RBMS2: variants seen among roughly 807,000 people sequenced by gnomAD.
The protein encoded by RBMS2 is RNA binding motif single stranded interacting protein 2.
In RBMS2, 38 loss-of-function variants were observed where a neutral mutation model predicts 58.4. The ratio of observed to expected loss-of-function variants is 0.65; its 90% CI spans 0.50 to 0.85. The LOEUF is 0.85. Among genes scored for constraint, RBMS2 ranks in the 40% least tolerant of loss-of-function variants. The pLI is 0.00. For synonymous variants in RBMS2, 151 were observed against 180.7 expected (o/e 0.84, Z 1.32); for missense variants, 367 against 503.7 (o/e 0.73, Z 2.60).
At chr12:56,551,091 G>A (rs1592386519) in intron 1 of RBMS2, among the ~76,000 whole-genome samples, 1 of 149,760 alleles carries the variant, frequency 6.7e-6, no homozygotes, top group East Asian at 2.0e-4. Flanking sequence ...CTGCACTCCA[G>A]CCTGGGTGAC....
chr12:56,564,766 G>A lies in RBMS2; in HGVS notation c.233+2183G>A, dbSNP rs531579567. On this transcript the variant is annotated intron_variant, in intron 2 of 13. Coordinates refer to ENST00000262031, the MANE Select transcript of RBMS2 (RefSeq NM_002898.4). ...AGATGGGTGGATCACCTGAGGTCAG[G>A]AGTTGGAGACCAGCCTGGCCAACAT... is the stretch of plus-strand genomic sequence containing the variant. Among the ~76,000 whole-genome samples, 7 of 152,320 alleles carry A rather than the reference G, an allele frequency of 4.6e-5. 1 individual carries two copies. The South Asian group carries it at 1.5e-3, about 32-fold the overall frequency.
At chr12:56,570,166 A>G in intron 4 of RBMS2, 176 bp downstream of exon 4, 1 of 584,040 alleles carries the variant, frequency 1.7e-6, no homozygotes, top group East Asian at 3.0e-5. Context: ...ATGTATTCAA[A>G]GTCTATGGCA....
At position 56,593,762 on chromosome 12, in the gene RBMS2, G is replaced by A. The variant is rs1885485055; in HGVS notation, c.*4629G>A. On this transcript the variant is annotated 3_prime_UTR_variant, in exon 14 of 14. Coordinates refer to ENST00000262031, the MANE Select transcript of RBMS2 (RefSeq NM_002898.4). ...GGGTTTTGCCACATTGCCCAGGCTG[G>A]TGTTGAACTCCTGGGCTCAAATGAT... The A allele has an allele frequency of 6.6e-6, 1 of 152,138 alleles. No homozygotes were observed. The highest frequency in any genetic ancestry group is 1.5e-5 in the Non-Finnish European group (1 of 68,174). The allele number at this position is 152,138 out of a possible 1,614,324, so 9.4% of individuals were successfully genotyped here.
Position 56,589,604 on chromosome 12 carries a change from C to A in RBMS2, c.*471C>A. On this transcript the variant is annotated 3_prime_UTR_variant, in exon 14 of 14. Coordinates refer to ENST00000262031, the MANE Select transcript of RBMS2 (RefSeq NM_002898.4). ...GTGCTGGAACATCGATGAAGGAGCC[C>A]TACTTACTGAGCTTAGTTATGGACT... The A allele has an allele frequency of 5.6e-6, 1 of 178,416 alleles. No homozygotes were observed. 11.1% of individuals were successfully genotyped at this position (178,416 alleles called of 1,614,324 possible). A position where few individuals can be genotyped will look rare whatever the true frequency, so the allele number is the denominator to read the frequency against.
chr12:56,565,715 A>G (rs1180325734), intron 2 of RBMS2, among the ~76,000 whole-genome samples: 3 of 152,144 alleles, frequency 2.0e-5, no homozygotes, highest in African/African-American at 7.2e-5. Flanking sequence ...TCTAGGAAGG[A>G]TGTTTCTCAT....
At chr12:56,551,396 G>A (rs932378313) in intron 1 of RBMS2, among the ~76,000 whole-genome samples, 2 of 152,130 alleles carry the variant, frequency 1.3e-5, no homozygotes, top group Non-Finnish European at 2.9e-5. Flanking sequence ...AGATGTCTGG[G>A]ATGATATTAG....
intron 2 of RBMS2, among the ~76,000 whole-genome samples, chr12:56,562,844 C>T (rs1229266713): frequency 5.3e-5 from 8 of 152,052 alleles, no homozygotes; most frequent in African/African-American, 9.7e-5. Flanking sequence ...TGCTACTGGC[C>T]GGGTGCGGTG....
At chr12:56,563,926 T>C (rs1880877629) in intron 2 of RBMS2, among the ~76,000 whole-genome samples, 1 of 152,172 alleles carries the variant, frequency 6.6e-6, no homozygotes, top group South Asian at 2.1e-4. Flanking sequence ...ATGTTGGTTT[T>C]TGAGGGAGCG....
Position 56,590,436 on chromosome 12 carries a change from G to A in RBMS2, c.*1303G>A, listed in dbSNP as rs1339637075. The stretch of plus-strand genomic sequence containing the variant: ...ATGTGTGTGCTACTGGCATCTAGTG[G>A]CTGCTAAACATCCTACACTGCATAG... On this transcript the variant is annotated 3_prime_UTR_variant, in exon 14 of 14. Transcript: ENST00000262031. The A allele has an allele frequency of 6.6e-6, 1 of 152,138 alleles. No individual in the cohort carries two copies. The highest frequency in any genetic ancestry group is 1.5e-5 in the Non-Finnish European group (1 of 68,046). 9.4% of individuals were successfully genotyped at this position (152,138 alleles called of 1,614,324 possible). A position where few individuals can be genotyped will look rare whatever the true frequency, so the allele number is the denominator to read the frequency against.
intron 1 of RBMS2, among the ~76,000 whole-genome samples, chr12:56,524,364 C>T (rs2136224902): frequency 6.6e-6 from 1 of 152,056 alleles, no homozygotes; most frequent in Non-Finnish European, 1.5e-5. Context: ...ATGCATATGA[C>T]TCCTTTTGTG....
At chr12:56,527,778 T>C (rs1872947606) in intron 1 of RBMS2, 1 of 116,264 alleles carries the variant, frequency 8.6e-6, no homozygotes, top group South Asian at 3.0e-4. Flanking sequence ...CCCTTGATAC[T>C]GTTACATTTG....
In RBMS2 at chr12:56,547,691, C is replaced by T. The variant is rs573968016; in HGVS notation, c.67-14726C>T. ...TTGAGACAGTTTCGCTCTTGTTGCC[C>T]AGGCTGGAGTGCAATGGCATGACCT... On this transcript the variant is annotated intron_variant, in intron 1 of 13. Transcript: ENST00000262031. 1.4e-4 allele frequency among the ~76,000 whole-genome samples: 21 copies of T among 150,810 alleles called. No homozygotes were observed. The South Asian group carries it at 4.4e-3, about 32-fold the overall frequency.
chr12:56,522,185 GC>G (rs1208471637), intron 1 of RBMS2, 96 bp downstream of exon 1: 2 of 983,538 alleles, frequency 2.0e-6, no homozygotes, highest in Non-Finnish European at 3.1e-6. Flanking sequence ...AGGGGAAGGG[GC>G]TTCCTCTCTC....
intron 1 of RBMS2, among the ~76,000 whole-genome samples, chr12:56,541,821 T>C (rs946592573): frequency 2.0e-5 from 3 of 152,184 alleles, no homozygotes; most frequent in African/African-American, 7.2e-5. Flanking sequence ...AAGAAGGAGC[T>C]GTGTTTTTCT....
At chr12:56,585,050 C>G (rs546342486) in intron 9 of RBMS2, among the ~76,000 whole-genome samples, 2 of 152,122 alleles carry the variant, frequency 1.3e-5, no homozygotes, top group Admixed American at 1.3e-4. Flanking sequence ...CTCAAACTCC[C>G]AACCTCAGGT....
At chr12:56,548,692 AT>A (rs939018707) in intron 1 of RBMS2, among the ~76,000 whole-genome samples, 3 of 152,184 alleles carry the variant, frequency 2.0e-5, no homozygotes, top group African/African-American at 7.2e-5. Context: ...TGCATTAGGA[AT>A]TTTGATGTTA....
In RBMS2 at chr12:56,589,077, G is replaced by A. The variant is rs948229917; in HGVS notation, c.*6+59G>A. 1,791 of 1,612,018 alleles carry A rather than the reference G, an allele frequency of 1.1e-3. 22 individuals are homozygous for A. The highest frequency in any genetic ancestry group is 2.5e-4 in the Non-Finnish European group (296 of 1,178,864). On this transcript the variant is annotated intron_variant, in intron 13 of 13. Coordinates refer to ENST00000262031, the MANE Select transcript of RBMS2 (RefSeq NM_002898.4). ...GCACTGGCAGACAGCAGCTCAGCCC[G>A]GCCTGAAGTCAGACAGGTTCTCATG...
At chr12:56,528,310 T>C (rs1055849886) in intron 1 of RBMS2, among the ~76,000 whole-genome samples, 4 of 151,946 alleles carry the variant, frequency 2.6e-5, no homozygotes, top group African/African-American at 9.7e-5. Context: ...AGATGAGGAT[T>C]GAAGAATAGT....
At chr12:56,578,457 G>A (rs1329729650) in intron 5 of RBMS2, among the ~76,000 whole-genome samples, 2 of 151,836 alleles carry the variant, frequency 1.3e-5, no homozygotes, top group Non-Finnish European at 2.9e-5. Context: ...AAATTTTATT[G>A]CATATACAGA....
Sources: allele counts gnomAD v4.1 joint callset (sites outside exome capture counted in the v4.1 genomes callset), GRCh38; gene constraint gnomAD v4.1.1; transcripts MANE v1.5; gene names NCBI Gene and HGNC (gene_info 2026-07-23, HGNC 2026-07-21).